The following CCDC57 variants were observed in gnomAD, a reference collection of about 807,000 sequenced individuals.
CCDC57 encodes coiled-coil domain containing 57.
A neutral mutation model predicts 118.9 loss-of-function variants in CCDC57; 118 were observed. That is an observed-to-expected ratio of 0.99 (90% CI 0.86 to 1.16). The LOEUF is 1.16. Among genes scored for constraint, CCDC57 ranks in the 50% most tolerant of loss-of-function variants. The pLI, the probability that CCDC57 is intolerant of heterozygous loss-of-function variation, is 0.00. For missense variants in CCDC57, 1,300 were observed against 1,320.7 expected (o/e 0.98, Z 0.24); for synonymous variants, 527 against 532.9 (o/e 0.99, Z 0.15).
intron 19 of CCDC57, among the ~76,000 whole-genome samples, chr17:82,103,342 G>A (rs1311187686): frequency 1.3e-5 from 2 of 152,132 alleles, no homozygotes; most frequent in African/African-American, 4.8e-5. Context: ...GGGGGCCCTG[G>A]ACGCTGCCTG....
rs1286098470 is a variant in CCDC57 at position 82,180,967 on chromosome 17, C to T, written c.1212-1778G>A. On this transcript the variant is annotated intron_variant, in intron 9 of 19. Transcript: ENST00000665763. ...GCTGAGGCCCCTCAGAGAAGGTCCT[C>T]GCGAGATGGGCCCACTCGCCGCCCG... 3.9e-5 allele frequency among the ~76,000 whole-genome samples: 6 copies of T among 152,186 alleles called. No homozygotes were observed. In the South Asian group the frequency reaches 8.3e-4, roughly 21 times the overall value.
intron 13 of CCDC57, among the ~76,000 whole-genome samples, chr17:82,166,363 T>A (rs959476770): frequency 8.9e-5 from 13 of 146,112 alleles, no homozygotes; most frequent in Admixed American, 2.7e-4. Context: ...AAAAAAAAAA[T>A]TAGCTAGGCA....
At chr17:82,179,147 G>A (rs200731894) in exon 10 of CCDC57, 7 of 1,613,958 alleles carry the variant, frequency 4.3e-6, no homozygotes, top group African/African-American at 2.7e-5. Context: ...CACGCTCCAG[G>A]CTCCGCTCCC....
chr17:82,115,047 G>A (rs1367428611), intron 19 of CCDC57, among the ~76,000 whole-genome samples: 1 of 152,208 alleles, frequency 6.6e-6, no homozygotes, highest in Non-Finnish European at 1.5e-5. Context: ...CCTGTGCATG[G>A]GCACCTAGTA....
At chr17:82,144,911 A>C (rs889696670) in intron 16 of CCDC57, among the ~76,000 whole-genome samples, 6 of 152,204 alleles carry the variant, frequency 3.9e-5, no homozygotes, top group African/African-American at 1.4e-4. Context: ...GTGGCCCCAC[A>C]GTAAGCCCCC....
chr17:82,186,578 G>A (rs2046951485), intron 8 of CCDC57, among the ~76,000 whole-genome samples: 1 of 152,132 alleles, frequency 6.6e-6, no homozygotes, highest in Non-Finnish European at 1.5e-5. Context: ...AAACTATCCT[G>A]AATAAGCCCT....
chr17:82,108,039 A>G (rs1287564364), intron 19 of CCDC57, among the ~76,000 whole-genome samples: 1 of 152,160 alleles, frequency 6.6e-6, no homozygotes, highest in South Asian at 2.1e-4. Flanking sequence ...GCTGGTCTCT[A>G]TCCCCATTCC....
At chr17:82,174,539 A>C (rs1238702307) in intron 11 of CCDC57, among the ~76,000 whole-genome samples, 1 of 152,204 alleles carries the variant, frequency 6.6e-6, no homozygotes, top group Non-Finnish European at 1.5e-5. Flanking sequence ...CCCTTCCGCA[A>C]GGAGTTGACC....
intron 16 of CCDC57, among the ~76,000 whole-genome samples, chr17:82,148,793 T>TGGGGGGGTG (rs1362111674): frequency 5.4e-5 from 1 of 18,410 alleles, no homozygotes; most frequent in African/African-American, 2.3e-4. Flanking sequence ...GGTGGATAGA[T>TGGGGGGGTG]GGTAGATGGA....
intron 16 of CCDC57, 28 bp downstream of exon 15, chr17:82,151,532 G>A (rs1469147950): frequency 6.5e-7 from 1 of 1,548,152 alleles, no homozygotes; most frequent in Non-Finnish European, 8.7e-7. Context: ...CCCACACTCA[G>A]GCCATGGCCT....
intron 14 of CCDC57, 133 bp downstream of exon 13, chr17:82,163,067 A>G: frequency 2.6e-6 from 3 of 1,133,654 alleles, no homozygotes; most frequent in South Asian, 1.4e-5. Context: ...TTCCTCAGAA[A>G]AAAACAGGCA....
intron 17 of CCDC57, among the ~76,000 whole-genome samples, chr17:82,132,123 A>T (rs1399332311): frequency 6.3e-5 from 3 of 47,252 alleles, no homozygotes; most frequent in Non-Finnish European, 8.3e-5. Flanking sequence ...TGTCTCAAAA[A>T]AAAAAAAAAA....
At position 82,207,939 on chromosome 17, in the gene CCDC57, G is replaced by C. The variant is rs565182832; in HGVS notation, c.-101C>G. 5 of 152,230 alleles carry C rather than the reference G, an allele frequency of 3.3e-5. 1 individual carries two copies. The East Asian group carries it at 9.6e-4, about 29-fold the overall frequency. The allele number at this position is 152,230 out of a possible 1,614,324, so 9.4% of individuals were successfully genotyped here. On this transcript the variant is annotated 5_prime_UTR_variant, in exon 2 of 20. Coordinates refer to ENST00000665763, the Ensembl canonical transcript of CCDC57. ...CGGCAGAACTGACTGCTCATGTGCT[G>C]GTGAAAACCTCCCTCTCCCACCACA...
chr17:82,124,198 A>G (rs1013198329), intron 19 of CCDC57, among the ~76,000 whole-genome samples: 2 of 152,122 alleles, frequency 1.3e-5, no homozygotes, highest in African/African-American at 2.4e-5. Context: ...TGAGGGTAGG[A>G]CCTAATTCCT....
chr17:82,112,980 G>C (rs2035396928), intron 19 of CCDC57: 1 of 192,988 alleles, frequency 5.2e-6, no homozygotes, highest in Non-Finnish European at 1.1e-5. Flanking sequence ...GTGAGTGCCA[G>C]CCGTTGTGTG....
chr17:82,159,450 A>T (rs1276151370), intron 14 of CCDC57, among the ~76,000 whole-genome samples: 2 of 152,148 alleles, frequency 1.3e-5, no homozygotes, highest in Admixed American at 1.3e-4. Context: ...GTGTACATGG[A>T]TCTTCAACTG....
chr17:82,171,692 C>T lies in CCDC57; in HGVS notation c.1882+9G>A, dbSNP rs767194618. 9 of 1,607,380 alleles carry T rather than the reference C, an allele frequency of 5.6e-6. No homozygotes were observed. The highest frequency in any genetic ancestry group is 5.0e-5 in the Admixed American group (3 of 59,864). ...GGACAGCAAGTACCCCACTGAGACG[C>T]GGACTTACCAGTCGTCTCTGTCGAG... On this transcript the variant is annotated intron_variant, in intron 13 of 19. Coordinates refer to ENST00000665763, the Ensembl canonical transcript of CCDC57.
chr17:82,200,711 T>G (rs1467540413), intron 3 of CCDC57, among the ~76,000 whole-genome samples: 1 of 151,868 alleles, frequency 6.6e-6, no homozygotes, highest in Admixed American at 6.6e-5. Context: ...GAGAATCACT[T>G]GAACCCGGGA....
At chr17:82,164,639 G>C (rs554095846) in intron 13 of CCDC57, among the ~76,000 whole-genome samples, 1 of 151,994 alleles carries the variant, frequency 6.6e-6, no homozygotes, top group East Asian at 1.9e-4. Context: ...AAAACTCATA[G>C]GATACTATAA....
Sources: gnomAD v4.1 joint callset for allele counts (sites outside exome capture counted in the v4.1 genomes callset) on GRCh38, gnomAD v4.1.1 for gene constraint, MANE v1.5 for transcripts, NCBI Gene and HGNC (gene_info 2026-07-23, HGNC 2026-07-21) for gene names.